PPP2R3A: variants seen among roughly 807,000 people sequenced by gnomAD.
PPP2R3A encodes the protein protein phosphatase 2 regulatory subunit B''alpha, also known as serine/threonine-protein phosphatase 2A regulatory subunit B'' subunit alpha.
PPP2R3A carries 80 observed loss-of-function variants against 106.9 expected under a neutral mutation model. That is an observed-to-expected ratio of 0.75 (90% confidence interval 0.62 to 0.90). The LOEUF is 0.90. PPP2R3A is among the 40% of genes least tolerant of loss of function. The probability of loss-of-function intolerance (pLI) is 0.00; values close to 1 mark genes in which losing one functional copy is unlikely to be tolerated. For synonymous variants in PPP2R3A, 483 were observed against 468.3 expected, an observed-to-expected ratio of 1.03 and a Z score of -0.41; for missense variants, 1,386 against 1,350.4, an observed-to-expected ratio of 1.03 and a Z score of -0.41.
Position 136,026,877 on chromosome 3 carries a change from C to A in PPP2R3A, c.2041C>A (p.Pro681Thr). 1.2e-6 allele frequency: 2 copies of A among 1,613,166 alleles called. No homozygotes were observed. Among genetic ancestry groups the A allele is most frequent in the Non-Finnish European group, 1.7e-6 (2 of 1,179,212 alleles). The change falls in exon 3 of 14, where the codon CCA (proline) becomes ACA (threonine). Residue 681 changes from proline (P) to threonine (T), a missense_variant. Pro to Thr is a conservative substitution (Grantham distance 38). Coordinates refer to ENST00000264977, the MANE Select transcript of PPP2R3A (RefSeq NM_002718.5). ...EKKPGTPLPP[P>T]ATSPSSPRPL... is the part of the protein sequence containing the mutation. ...GAAACCTGGAACACCACTCCCACCT[C>A]CAGCCACCTCTCCAAGTAGTCCCCG...
At chr3:136,020,186 A>G (rs532005774) in intron 2 of PPP2R3A, among the ~76,000 whole-genome samples, 9 of 152,262 alleles carry the variant, frequency 5.9e-5, no homozygotes, top group East Asian at 1.9e-4. Flanking sequence ...TCAAGTTACA[A>G]AATATTACAG....
Position 136,145,118 on chromosome 3 carries a change from A to G in PPP2R3A, c.3405A>G (p.Ala1135=), listed in dbSNP as rs537468240. ...FGNKSNKILS[A]SLPEKCGKLQ... is the part of the protein sequence containing the mutation. ...ACAAAAGCAATAAAATATTAAGTGC[A>G]AGCCTTCCAGAGAAATGTGGAAAGC... Residue 1135 remains alanine, a synonymous_variant, in exon 14 of 14, where the codon GCA becomes GCG. Transcript: ENST00000264977. The G allele has an allele frequency of 6.2e-7, 1 of 1,613,830 alleles. No homozygotes were observed.
chr3:136,123,318 A>G (rs980096244), intron 13 of PPP2R3A, among the ~76,000 whole-genome samples: 4 of 152,182 alleles, frequency 2.6e-5, no homozygotes, highest in Non-Finnish European at 4.4e-5. Flanking sequence ...TATGATAAAG[A>G]TAGCATGTTA....
At chr3:136,100,354 A>T (rs1937327605) in intron 10 of PPP2R3A, among the ~76,000 whole-genome samples, 3 of 151,358 alleles carry the variant, frequency 2.0e-5, no homozygotes, top group Non-Finnish European at 4.4e-5. Context: ...TACCAAAAAA[A>T]AAAGAACTTT....
rs548019223 is a variant in PPP2R3A, at chr3:136,147,351, A to C, written c.*2185A>C. On this transcript the variant is annotated 3_prime_UTR_variant, in exon 14 of 14. Coordinates refer to ENST00000264977, the MANE Select transcript of PPP2R3A (RefSeq NM_002718.5). ...TGCACTCCAGCCTAGGCGACAGAGC[A>C]AGACCCCATTCTCTTACAAAGTCTC... The C allele has an allele frequency of 6.6e-6, 1 of 152,638 alleles. No individual in the cohort carries two copies. The highest frequency in any genetic ancestry group is 6.5e-5 in the Admixed American group (1 of 15,276). 9.5% of individuals were successfully genotyped at this position (152,638 alleles called of 1,614,324 possible).
At chr3:135,992,299 T>C (rs1933202214) in intron 1 of PPP2R3A, among the ~76,000 whole-genome samples, 1 of 152,206 alleles carries the variant, frequency 6.6e-6, no homozygotes, top group Admixed American at 6.5e-5. Flanking sequence ...CCTTGTGTTC[T>C]CTGTTAAATA....
chr3:136,136,595 C>T (rs138177571), intron 13 of PPP2R3A, among the ~76,000 whole-genome samples: 1 of 152,162 alleles, frequency 6.6e-6, no homozygotes, highest in African/African-American at 2.4e-5. Flanking sequence ...CCTCAGGGGC[C>T]AAGAACGTTT....
At chr3:136,046,221 G>A (rs1374442939) in intron 4 of PPP2R3A, among the ~76,000 whole-genome samples, 1 of 152,136 alleles carries the variant, frequency 6.6e-6, no homozygotes, top group African/African-American at 2.4e-5. Context: ...GGAGGCCGAG[G>A]CAGGTGGATC....
chr3:136,125,856 A>G lies in PPP2R3A; in HGVS notation c.3330-19187A>G, dbSNP rs925095656. Among the ~76,000 whole-genome samples, 5 of 152,230 alleles carry G rather than the reference A, an allele frequency of 3.3e-5. No homozygotes were observed. The South Asian group carries it at 6.2e-4, about 19-fold the overall frequency. On this transcript the variant is annotated intron_variant, in intron 13 of 13. Transcript: ENST00000264977. ...ATTCAAAAATCAATGTAATACAACC[A>G]TATTAATAGAAAAAATGACAAAAAG...
At chr3:136,093,748 G>A (rs1937152317) in intron 10 of PPP2R3A, among the ~76,000 whole-genome samples, 1 of 152,178 alleles carries the variant, frequency 6.6e-6, no homozygotes, top group Admixed American at 6.5e-5. Flanking sequence ...GATAATAACA[G>A]GTGCTGCCAA....
rs1052981892 is a variant in PPP2R3A at position 136,136,728 on chromosome 3, A to T, written c.3330-8315A>T. Among the ~76,000 whole-genome samples the T allele has an allele frequency of 3.3e-5, 5 of 152,296 alleles. No individual in the cohort carries two copies. The South Asian group carries it at 1.0e-3, about 32-fold the overall frequency. On this transcript the variant is annotated intron_variant, in intron 13 of 13. Transcript: ENST00000264977. ...CCCTCACTACAAGGATATCTACAGT[A>T]GTCCAGATGATTTGGCCCTCCAAAA...
intron 2 of PPP2R3A, among the ~76,000 whole-genome samples, chr3:136,015,536 A>T (rs1016295523): frequency 6.6e-6 from 1 of 151,692 alleles, no homozygotes; most frequent in African/African-American, 2.4e-5. Context: ...TCCTAGTTTA[A>T]TCTAGGAGGG....
At chr3:135,987,268 A>G (rs1316651461) in intron 1 of PPP2R3A, among the ~76,000 whole-genome samples, 1 of 152,190 alleles carries the variant, frequency 6.6e-6, no homozygotes, top group Non-Finnish European at 1.5e-5. Context: ...ACAGTTTATT[A>G]CTTATAGCAG....
intron 5 of PPP2R3A, among the ~76,000 whole-genome samples, chr3:136,057,691 A>G (rs146061763): frequency 6.6e-6 from 1 of 152,286 alleles, no homozygotes; most frequent in East Asian, 1.9e-4. Flanking sequence ...GCCAAAAAGT[A>G]TATGAAAAAT....
intron 2 of PPP2R3A, among the ~76,000 whole-genome samples, chr3:136,023,578 T>G (rs1333936864): frequency 1.3e-5 from 2 of 152,160 alleles, no homozygotes; most frequent in Non-Finnish European, 2.9e-5. Context: ...ATTAAAAGCC[T>G]TGTTTGCACT....
chr3:136,127,449 G>A (rs920342449), intron 13 of PPP2R3A, among the ~76,000 whole-genome samples: 1 of 152,130 alleles, frequency 6.6e-6, no homozygotes, highest in African/African-American at 2.4e-5. Flanking sequence ...GAAGTGAGAA[G>A]ACAAGGTTAG....
At chr3:136,117,294 C>T (rs1011790954) in intron 13 of PPP2R3A, among the ~76,000 whole-genome samples, 5 of 152,090 alleles carry the variant, frequency 3.3e-5, no homozygotes, top group Admixed American at 6.6e-5. Flanking sequence ...AGGAAAGATC[C>T]AAAATCGACA....
At position 136,002,915 on chromosome 3, in the gene PPP2R3A, T is replaced by C. The variant is rs1933695442; in HGVS notation, c.1417T>C (p.Phe473Leu). The C allele has an allele frequency of 3.1e-6, 5 of 1,611,986 alleles. No homozygotes were observed. The highest frequency in any genetic ancestry group is 1.7e-4 in the Middle Eastern group (1 of 6,050). ...TPMQNEIGKI[F>L]EKSFVNLPKE... ...AATGCAAAATGAAATTGGTAAGATA[T>C]TTGAGAAATCATTTGTTAATCTACC... is the stretch of plus-strand genomic sequence containing the variant. Residue 473 changes from phenylalanine to leucine, a missense_variant, in exon 2 of 14, where the codon TTT becomes CTT. Phe to Leu is a conservative substitution (Grantham distance 22). Transcript: ENST00000264977.
intron 1 of PPP2R3A, among the ~76,000 whole-genome samples, chr3:135,983,340 G>A (rs1478224376): frequency 6.6e-6 from 1 of 152,126 alleles, no homozygotes; most frequent in Non-Finnish European, 1.5e-5. Context: ...GGGGATATGA[G>A]GATGAGTAAA....
Sources: gnomAD v4.1 joint callset for allele counts (sites outside exome capture counted in the v4.1 genomes callset) on GRCh38, gnomAD v4.1.1 for gene constraint, MANE v1.5 for transcripts, NCBI Gene and HGNC (gene_info 2026-07-23, HGNC 2026-07-21) for gene names.